The following TRHDE variants were observed in gnomAD, a reference collection of about 807,000 sequenced individuals.
TRHDE encodes thyrotropin-releasing hormone-degrading ectoenzyme.
TRHDE carries 72 observed loss-of-function variants against 125.7 expected under a neutral mutation model. The ratio of observed to expected loss-of-function variants is 0.57; its 90% CI spans 0.47 to 0.70. The LOEUF is 0.70. Among genes scored for constraint, TRHDE ranks in the 30% least tolerant of loss-of-function variants. TRHDE has a pLI of 0.00. For synonymous variants in TRHDE, 509 were observed against 509.1 expected (o/e 1.00, Z 0.00); for missense variants, 1,110 against 1,327.1 (o/e 0.84, Z 2.54).
At chr12:72,639,239 CTTCATTTCA>C (rs1280147845) in intron 15 of TRHDE, among the ~76,000 whole-genome samples, 1 of 152,064 alleles carries the variant, frequency 6.6e-6, no homozygotes, top group Admixed American at 6.5e-5. Flanking sequence ...TCCTTTCTCG[CTTCATTTCA>C]TTCATTTCAT....
intron 2 of TRHDE, among the ~76,000 whole-genome samples, chr12:72,184,207 G>A (rs1304089463): frequency 6.6e-6 from 1 of 152,074 alleles, no homozygotes; most frequent in East Asian, 1.9e-4. Context: ...AGGGGCAGAG[G>A]GTCTTCGGTG....
intron 1 of TRHDE, among the ~76,000 whole-genome samples, chr12:72,285,522 CTT>C (rs370394091): frequency 2.1e-4 from 27 of 131,370 alleles, no homozygotes; most frequent in African/African-American, 2.8e-4. Context: ...TTTTTTTCTT[CTT>C]TTTTTTTTTT....
chr12:72,390,559 G>T (rs1292890080), intron 3 of TRHDE, among the ~76,000 whole-genome samples: 1 of 152,170 alleles, frequency 6.6e-6, no homozygotes, highest in African/African-American at 2.4e-5. Flanking sequence ...GTAAATTAGG[G>T]TTAACCATCT....
At chr12:72,416,618 C>G (rs1301820014) in intron 3 of TRHDE, among the ~76,000 whole-genome samples, 1 of 151,990 alleles carries the variant, frequency 6.6e-6, no homozygotes, top group African/African-American at 2.4e-5. Context: ...TTTTCCAGCA[C>G]CATTTATTGA....
intron 2 of TRHDE, among the ~76,000 whole-genome samples, chr12:72,236,416 T>G (rs1268167395): frequency 6.6e-6 from 1 of 152,180 alleles, no homozygotes; most frequent in Non-Finnish European, 1.5e-5. Flanking sequence ...TGCAGGAACT[T>G]GAAGCATCTA....
intron 6 of TRHDE, among the ~76,000 whole-genome samples, chr12:72,538,369 C>T (rs1311232103): frequency 6.6e-6 from 1 of 151,962 alleles, no homozygotes; most frequent in Non-Finnish European, 1.5e-5. Context: ...TGTTTTTTAT[C>T]ACAATATGTC....
At chr12:72,283,247 G>A (rs919693658) in intron 1 of TRHDE, among the ~76,000 whole-genome samples, 1 of 152,138 alleles carries the variant, frequency 6.6e-6, no homozygotes, top group African/African-American at 2.4e-5. Flanking sequence ...CTATTTAGTG[G>A]TAGTGTAATT....
At chr12:72,517,263 C>T (rs1878918772) in intron 6 of TRHDE, among the ~76,000 whole-genome samples, 1 of 151,422 alleles carries the variant, frequency 6.6e-6, no homozygotes, top group Non-Finnish European at 1.5e-5. Context: ...GGCTGTGAAT[C>T]CATCTGGTCC....
chr12:72,481,781 T>C (rs1393863766), intron 5 of TRHDE, among the ~76,000 whole-genome samples: 7 of 151,996 alleles, frequency 4.6e-5, no homozygotes, highest in Non-Finnish European at 1.0e-4. Context: ...TTTCCTAGGA[T>C]TGATGAAATT....
chr12:72,239,288 C>T lies in TRHDE; in HGVS notation n.279+133536C>T, dbSNP rs150350577. 7.2e-3 allele frequency among the ~76,000 whole-genome samples: 1,099 copies of T among 151,628 alleles called. 12 individuals carry two copies. Among genetic ancestry groups the T allele is most frequent in the African/African-American group, 0.025 (1,037 of 41,302 alleles). The stretch of plus-strand genomic sequence containing the variant: ...TTCTTTATGGATTCTGGATATTAGC[C>T]CTTTGTCAGATGGACAGATTGCAAA... On this transcript the variant is annotated intron_variant and non_coding_transcript_variant, in intron 2 of 4. Coordinates refer to the TRHDE transcript ENST00000548156.
intron 5 of TRHDE, among the ~76,000 whole-genome samples, chr12:72,478,725 T>A (rs967334422): frequency 6.6e-6 from 1 of 151,952 alleles, no homozygotes; most frequent in African/African-American, 2.4e-5. Context: ...TAAAGCAAAA[T>A]ATCTCCTGTG....
At chr12:72,487,511 AC>A (rs1438289201) in intron 5 of TRHDE, among the ~76,000 whole-genome samples, 2 of 152,126 alleles carry the variant, frequency 1.3e-5, no homozygotes, top group Admixed American at 6.6e-5. Flanking sequence ...GAAAATAAAA[AC>A]CCTTTTAGAC....
intron 2 of TRHDE, among the ~76,000 whole-genome samples, chr12:72,244,157 T>C (rs938135981): frequency 1.3e-5 from 2 of 152,202 alleles, no homozygotes; most frequent in Non-Finnish European, 2.9e-5. Context: ...CATTGGTGTA[T>C]AGATTTTGGA....
chr12:72,455,829 C>T (rs565285380), intron 3 of TRHDE, among the ~76,000 whole-genome samples: 4 of 151,952 alleles, frequency 2.6e-5, no homozygotes, highest in East Asian at 3.9e-4. Context: ...GGGACAGAAC[C>T]CACAAGTATA....
intron 18 of TRHDE, among the ~76,000 whole-genome samples, chr12:72,659,957 A>T (rs2136115933): frequency 6.6e-6 from 1 of 152,188 alleles, no homozygotes; most frequent in Non-Finnish European, 1.5e-5. Flanking sequence ...GGCCCCGGGG[A>T]CCACTACCAC....
intron 1 of TRHDE, among the ~76,000 whole-genome samples, chr12:72,278,099 C>T (rs1879557335): frequency 2.0e-5 from 3 of 152,084 alleles, no homozygotes. Flanking sequence ...CTCCATTCTT[C>T]CCCTAACCTC....
chr12:72,640,133 C>G (rs1404356041), intron 15 of TRHDE, among the ~76,000 whole-genome samples: 1 of 152,246 alleles, frequency 6.6e-6, no homozygotes, highest in Non-Finnish European at 1.5e-5. Context: ...TGATCTCAGA[C>G]TGCTGTGCTA....
In TRHDE at chr12:72,554,418, A is replaced by T. The variant is rs145390881; in HGVS notation, c.1789-7747A>T. On this transcript the variant is annotated intron_variant, in intron 7 of 18. Coordinates refer to ENST00000261180, the MANE Select transcript of TRHDE (RefSeq NM_013381.3). ...AAGGTTTAGAGAAAATAGATACTTT[A>T]TCCAAGATCACATGACTGGTAGGAA... is the stretch of plus-strand genomic sequence containing the variant. Among the ~76,000 whole-genome samples, 3 of 152,352 alleles carry T rather than the reference A, an allele frequency of 2.0e-5. No individual in the cohort carries two copies. The East Asian group carries it at 5.8e-4, about 29-fold the overall frequency.
intron 6 of TRHDE, among the ~76,000 whole-genome samples, chr12:72,504,214 A>T (rs1041918276): frequency 7.9e-5 from 12 of 152,156 alleles, no homozygotes; most frequent in Admixed American, 6.5e-4. Context: ...GTTAAACATG[A>T]TCATAGCAGA....
Sources: allele counts gnomAD v4.1 joint callset (sites outside exome capture counted in the v4.1 genomes callset), GRCh38; gene constraint gnomAD v4.1.1; transcripts MANE v1.5; gene names NCBI Gene and HGNC (gene_info 2026-07-23, HGNC 2026-07-21).